ULK4: variants seen among roughly 807,000 people sequenced by gnomAD.
ULK4 encodes the protein unc-51 like kinase 4, also known as inactive serine/threonine-protein kinase ULK4.
ULK4 carries 133 observed loss-of-function variants against 160.6 expected under a neutral mutation model. That is an observed-to-expected ratio of 0.83 (90% confidence interval 0.72 to 0.96). ULK4 has a LOEUF of 0.96. Among genes scored for constraint, ULK4 ranks in the 40% least tolerant of loss-of-function variants. The pLI is 0.00. For missense variants in ULK4, 1,580 were observed against 1,499.5 expected, an observed-to-expected ratio of 1.05 and a Z score of -0.89; for synonymous variants, 534 against 539.8, an observed-to-expected ratio of 0.99 and a Z score of 0.15.
intron 27 of ULK4, among the ~76,000 whole-genome samples, chr3:41,685,262 A>G (rs757504538): frequency 6.6e-5 from 10 of 152,222 alleles, no homozygotes; most frequent in Non-Finnish European, 1.2e-4. Flanking sequence ...TAGCTTCTGA[A>G]GATGAGATCT....
chr3:41,403,470 T>C (rs888489141), intron 34 of ULK4, among the ~76,000 whole-genome samples: 4 of 152,296 alleles, frequency 2.6e-5, no homozygotes, highest in African/African-American at 9.6e-5. Flanking sequence ...ATTGATAATT[T>C]CTGTCTTCTC....
intron 27 of ULK4, 80 bp from the exon 28 acceptor site, chr3:41,681,884 G>A: frequency 6.7e-7 from 1 of 1,495,180 alleles, no homozygotes; most frequent in Non-Finnish European, 9.2e-7. Context: ...TTTTTCCACA[G>A]ACAGAATCCC....
chr3:41,488,163 G>A (rs1221712276), intron 32 of ULK4, among the ~76,000 whole-genome samples: 2 of 152,186 alleles, frequency 1.3e-5, no homozygotes, highest in Admixed American at 6.5e-5. Context: ...AGAGAATAAT[G>A]CAAGTTTAGT....
chr3:41,681,561 ACT>A lies in ULK4; in HGVS notation c.2923_2924del (p.Ser975CysfsTer2). 3 of 1,614,040 alleles carry A rather than the reference ACT, an allele frequency of 1.9e-6. No homozygotes were observed. Among genetic ancestry groups the A allele is most frequent in the Non-Finnish European group, 2.5e-6 (3 of 1,179,990 alleles). ...QEFGDGKEKA[S>X]VDSDSNLLAL... Reference sequence around the variant, plus strand: ...CCAGAAGATTGCTGTCAGAATCAACACTGGCCTTCTCCTTGCCATCCCCAAAC... The same window carrying A: ...CCAGAAGATTGCTGTCAGAATCAACAGGCCTTCTCCTTGCCATCCCCAAAC... On this transcript the variant is annotated frameshift_variant, in exon 29 of 37. Coordinates refer to ENST00000301831, the MANE Select transcript of ULK4 (RefSeq NM_017886.4). LOFTEE classifies it high-confidence loss of function.
At chr3:41,331,924 ATTAT>A (rs2080450715) in intron 35 of ULK4, among the ~76,000 whole-genome samples, 1 of 152,210 alleles carries the variant, frequency 6.6e-6, no homozygotes, top group Non-Finnish European at 1.5e-5. Flanking sequence ...ATATACCAAA[ATTAT>A]AACTAATAAT....
At chr3:41,351,378 A>G (rs1250340585) in intron 35 of ULK4, among the ~76,000 whole-genome samples, 11 of 152,226 alleles carry the variant, frequency 7.2e-5, no homozygotes, top group Admixed American at 6.5e-4. Context: ...CTGCAACAAC[A>G]TGCACCTGAT....
intron 35 of ULK4, among the ~76,000 whole-genome samples, chr3:41,322,996 G>A (rs941216920): frequency 2.6e-5 from 4 of 151,640 alleles, no homozygotes; most frequent in Non-Finnish European, 5.9e-5. Context: ...GGAGTGCAAT[G>A]GCCCAATCTC....
chr3:41,601,150 TAAAC>T (rs1454533865), intron 31 of ULK4, among the ~76,000 whole-genome samples: 3 of 152,246 alleles, frequency 2.0e-5, no homozygotes, highest in Admixed American at 1.3e-4. Flanking sequence ...TATCTTAACA[TAAAC>T]AAAGTGGGTG....
intron 31 of ULK4, among the ~76,000 whole-genome samples, chr3:41,613,824 A>G (rs188425325): frequency 6.6e-6 from 1 of 152,350 alleles, no homozygotes; most frequent in Admixed American, 6.5e-5. Context: ...ATGTCCTATA[A>G]GAAATCTGAG....
At position 41,691,125 on chromosome 3, in the gene ULK4, G is replaced by A. The variant is rs191359078; in HGVS notation, c.2782-9321C>T. On this transcript the variant is annotated intron_variant, in intron 27 of 36. Transcript: ENST00000301831. Reference sequence around the variant, plus strand: ...CAACATGTGCACTAAGAGGCAAAATGGCAGAGTTTGGTATATGACCTTCTA... The same window carrying A: ...CAACATGTGCACTAAGAGGCAAAATAGCAGAGTTTGGTATATGACCTTCTA... Among the ~76,000 whole-genome samples the A allele has an allele frequency of 3.6e-4, 54 of 151,990 alleles. No individual in the cohort carries two copies. In the East Asian group the frequency reaches 0.01, roughly 29 times the overall value.
intron 17 of ULK4, among the ~76,000 whole-genome samples, chr3:41,877,540 T>G (rs909942729): frequency 1.3e-5 from 2 of 152,156 alleles, no homozygotes; most frequent in Non-Finnish European, 2.9e-5. Context: ...TTGGCCAAGC[T>G]GGTCTCGAAC....
chr3:41,394,225 AC>A (rs2082010824), intron 35 of ULK4, among the ~76,000 whole-genome samples: 1 of 152,140 alleles, frequency 6.6e-6, no homozygotes, highest in Non-Finnish European at 1.5e-5. Context: ...GCCAACAATT[AC>A]AAAACAATGG....
rs200706868 is a variant in ULK4, at chr3:41,845,394, TAC to T, written c.1657-9425_1657-9424del. On this transcript the variant is annotated intron_variant, in intron 17 of 36. Transcript: ENST00000301831. ...CAACCTAGATGAATTTCCAGAAAAT[TAC>T]ACCAAATGAAAAAAGCCAACCACCA... Among the ~76,000 whole-genome samples, 850 of 152,152 alleles carry T rather than the reference TAC, an allele frequency of 5.6e-3. 6 individuals carry two copies. Among genetic ancestry groups the T allele is most frequent in the African/African-American group, 0.019 (797 of 41,504 alleles).
At chr3:41,355,595 T>A (rs1266196358) in intron 35 of ULK4, among the ~76,000 whole-genome samples, 1 of 152,220 alleles carries the variant, frequency 6.6e-6, no homozygotes, top group Non-Finnish European at 1.5e-5. Flanking sequence ...TCAAACTGTA[T>A]AATCAGCACT....
chr3:41,575,605 T>C (rs550591728), intron 31 of ULK4, among the ~76,000 whole-genome samples: 1 of 152,348 alleles, frequency 6.6e-6, no homozygotes, highest in African/African-American at 2.4e-5. Context: ...ATTTTTAAAT[T>C]TGACTGACAG....
chr3:41,311,391 T>G (rs2125720414), intron 35 of ULK4, among the ~76,000 whole-genome samples: 2 of 152,178 alleles, frequency 1.3e-5, no homozygotes, highest in Admixed American at 1.3e-4. Flanking sequence ...GTGAAAAGAC[T>G]AGACTGGCCT....
rs545265219 is a variant in ULK4 at position 41,405,821 on chromosome 3, TTTTG to T, written c.3493-7561_3493-7558del. 7.4e-4 allele frequency among the ~76,000 whole-genome samples: 112 copies of T among 152,152 alleles called. No homozygotes were observed. In the South Asian group the frequency reaches 0.014, roughly 19 times the overall value. On this transcript the variant is annotated intron_variant, in intron 34 of 36. Transcript: ENST00000301831. ...CTGCCCATTTTTTAATGAGTTTTTT[TTTTG>T]TTTGTTTTTTGTTTTGCTTTTTCAA...
intron 31 of ULK4, among the ~76,000 whole-genome samples, chr3:41,608,106 TGTATCA>T (rs1035769354): frequency 2.6e-5 from 4 of 152,330 alleles, no homozygotes; most frequent in Admixed American, 6.5e-5. Flanking sequence ...CTATTGACTT[TGTATCA>T]GTCTTTTTTC....
chr3:41,824,100 T>A (rs374973356), intron 18 of ULK4, among the ~76,000 whole-genome samples: 162 of 113,244 alleles, frequency 1.4e-3, no homozygotes, highest in African/African-American at 4.7e-3. Flanking sequence ...GAGGTGGGGG[T>A]TGCAGTGAGC....
Sources: allele counts gnomAD v4.1 joint callset (sites outside exome capture counted in the v4.1 genomes callset), GRCh38; gene constraint gnomAD v4.1.1; transcripts MANE v1.5; gene names NCBI Gene and HGNC (gene_info 2026-07-23, HGNC 2026-07-21).